Variants in KIF27 observed in about 807,000 individuals in gnomAD.
KIF27 encodes kinesin family member 27.
Under a neutral mutation model 141.8 loss-of-function variants are expected in KIF27, and 84 were observed. The ratio of observed to expected loss-of-function variants is 0.59; its 90% CI spans 0.50 to 0.71. The LOEUF (loss-of-function observed/expected upper bound fraction) is 0.71. Ranked by LOEUF, KIF27 falls within the 30% of genes least tolerant of loss-of-function variation. The probability of loss-of-function intolerance (pLI) is 0.00; values close to 1 mark genes in which losing one functional copy is unlikely to be tolerated. For missense variants in KIF27, 1,306 were observed against 1,628.4 expected, an observed-to-expected ratio of 0.80 and a Z score of 3.41; for synonymous variants, 471 against 569.5, an observed-to-expected ratio of 0.83 and a Z score of 2.46.
chr9:83,836,867 A>G lies in KIF27; in HGVS notation c.*134T>C. 7.2e-7 allele frequency: 1 copy of G among 1,394,800 alleles called. No individual in the cohort carries two copies. The highest frequency in any genetic ancestry group is 9.6e-7 in the Non-Finnish European group (1 of 1,043,178). 86.4% of individuals were successfully genotyped at this position (1,394,800 alleles called of 1,614,324 possible). The stretch of plus-strand genomic sequence containing the variant: ...AAGATGTACACATCTATAGCATATA[A>G]AAGAATTAGGGATTCCTTCCTCCCC... On this transcript the variant is annotated 3_prime_UTR_variant, in exon 18 of 18. Coordinates refer to ENST00000297814, the MANE Select transcript of KIF27 (RefSeq NM_017576.4).
intron 10 of KIF27, among the ~76,000 whole-genome samples, chr9:83,880,975 C>A (rs1449898902): frequency 6.6e-6 from 1 of 152,082 alleles, no homozygotes; most frequent in Non-Finnish European, 1.5e-5. Context: ...ACTACTGTCT[C>A]CCTTTTTTCC....
chr9:83,854,735 T>C (rs1045760449), intron 14 of KIF27, among the ~76,000 whole-genome samples: 1 of 152,138 alleles, frequency 6.6e-6, no homozygotes, highest in African/African-American at 2.4e-5. Context: ...ATACATGTTA[T>C]GTTGGTGATA....
rs1954159007 is a variant in KIF27, at chr9:83,903,553, G to A, written c.965C>T (p.Ser322Phe). ...ATTTAAGGACTCATCAAAATTCGAG[G>A]AGGAGGGGCTGACACATGTGATCAT... ...TVMITCVSPS[S>F]SNFDESLNSL... The change falls in exon 4 of 18, where the codon TCC becomes TTC. Residue 322 changes from serine (S) to phenylalanine (F), a missense_variant. Physicochemically the swap from Ser to Phe is radical, Grantham distance 155 (BLOSUM62 -2). Transcript: ENST00000297814. 1.2e-6 allele frequency: 2 copies of A among 1,614,174 alleles called. No homozygotes were observed. The highest frequency in any genetic ancestry group is 1.6e-4 in the Middle Eastern group (1 of 6,062).
intron 10 of KIF27, among the ~76,000 whole-genome samples, chr9:83,883,254 A>G (rs1951825766): frequency 6.6e-6 from 1 of 152,192 alleles, no homozygotes; most frequent in African/African-American, 2.4e-5. Context: ...GACTATCTCC[A>G]AAGCACCTGG....
At chr9:83,844,321 TATAG>T (rs1946952792) in intron 16 of KIF27, among the ~76,000 whole-genome samples, 1 of 151,094 alleles carries the variant, frequency 6.6e-6, no homozygotes, top group Admixed American at 6.6e-5. Context: ...GATATAGATA[TATAG>T]ATAGCTATAT....
At chr9:83,847,399 C>T (rs1252409717) in intron 16 of KIF27, among the ~76,000 whole-genome samples, 2 of 152,110 alleles carry the variant, frequency 1.3e-5, no homozygotes, top group Non-Finnish European at 2.9e-5. Flanking sequence ...GTACTGTTAA[C>T]TTTATGTAAT....
chr9:83,871,649 G>A (rs1212481052), intron 11 of KIF27, among the ~76,000 whole-genome samples: 1 of 151,630 alleles, frequency 6.6e-6, no homozygotes, highest in Admixed American at 6.6e-5. Context: ...GACAGATCAT[G>A]GTCTTATGAA....
intron 11 of KIF27, among the ~76,000 whole-genome samples, chr9:83,875,192 G>A (rs1186910060): frequency 6.6e-6 from 1 of 152,164 alleles, no homozygotes; most frequent in African/African-American, 2.4e-5. Context: ...AACAGACTAA[G>A]TTGTTGGCAG....
chr9:83,921,274 C>G (rs1448785890), intron 1 of KIF27, 97 bp downstream of exon 1: 1 of 152,256 alleles, frequency 6.6e-6, no homozygotes, highest in Non-Finnish European at 1.5e-5. Context: ...CGGCTGGGGG[C>G]GCGGGAGCGG....
intron 4 of KIF27, among the ~76,000 whole-genome samples, chr9:83,900,160 A>G (rs1953719256): frequency 1.3e-5 from 2 of 152,102 alleles, no homozygotes; most frequent in African/African-American, 4.8e-5. Context: ...CATTTTCCAA[A>G]TTGACATATA....
chr9:83,913,150 C>T (rs7869368), intron 2 of KIF27, among the ~76,000 whole-genome samples: 2 of 151,872 alleles, frequency 1.3e-5, no homozygotes, highest in Non-Finnish European at 1.5e-5. Flanking sequence ...GGGTGACAGA[C>T]CAAGGCCCTA....
chr9:83,842,228 A>G lies in KIF27; in HGVS notation c.3721+9T>C. The G allele has an allele frequency of 6.5e-7, 1 of 1,530,994 alleles. No homozygotes were observed. The allele number at this position is 1,530,994 out of a possible 1,614,324, so 94.8% of individuals were successfully genotyped here. On this transcript the variant is annotated intron_variant, in intron 17 of 17. Transcript: ENST00000297814. ...ACAGTGTTAAGAGTGACAACACTAA[A>G]AGTCTTACACTCTGATGGTGCTAGT...
chr9:83,916,012 A>G (rs1210330172), intron 1 of KIF27, among the ~76,000 whole-genome samples: 1 of 152,176 alleles, frequency 6.6e-6, no homozygotes, highest in Non-Finnish European at 1.5e-5. Context: ...GAGTTAGAAA[A>G]TTAAGGCAAG....
In KIF27 at chr9:83,837,230, T is replaced by C; in HGVS notation, c.3977A>G (p.Asp1326Gly). ...MLGNENKTETDDNQFTKSHSR... is the reference protein window; with the variant it reads ...MLGNENKTETGDNQFTKSHSR... ...GTGAGATTTTGTAAACTGATTATCATCTGTTTCTGTTTTATTCTCATTACC... is the reference window on the plus strand; with the variant it reads ...GTGAGATTTTGTAAACTGATTATCACCTGTTTCTGTTTTATTCTCATTACC... Residue 1326 changes from aspartate to glycine, a missense_variant, in exon 18 of 18, where the codon GAT becomes GGT. Coordinates refer to ENST00000297814, the MANE Select transcript of KIF27 (RefSeq NM_017576.4). 6.2e-7 allele frequency: 1 copy of C among 1,614,022 alleles called. No individual in the cohort carries two copies. The highest frequency in any genetic ancestry group is 8.5e-7 in the Non-Finnish European group (1 of 1,179,926).
At position 83,910,286 on chromosome 9, in the gene KIF27, C is replaced by T. The variant is rs116333450; in HGVS notation, c.299-1634G>A. Among the ~76,000 whole-genome samples the T allele has an allele frequency of 6.0e-3, 920 of 152,208 alleles. 10 individuals carry two copies. Among genetic ancestry groups the T allele is most frequent in the African/African-American group, 0.021 (873 of 41,510 alleles). ...GGTGCTTTTAGATGATATATAATTT[C>T]TAAAGCAGAAAAGAGCTGTAAAAAG... On this transcript the variant is annotated intron_variant, in intron 2 of 17. Transcript: ENST00000297814.
Position 83,836,292 on chromosome 9 carries a change from T to C in KIF27, c.*709A>G, listed in dbSNP as rs925075284. ...ATTTCCGTGTTCCATGGAACAGCAT[T>C]CATTTCTCCCAGTTTTAGTAACATA... is the stretch of plus-strand genomic sequence containing the variant. On this transcript the variant is annotated 3_prime_UTR_variant, in exon 18 of 18. Coordinates refer to ENST00000297814, the MANE Select transcript of KIF27 (RefSeq NM_017576.4). Among the ~76,000 whole-genome samples the C allele has an allele frequency of 6.6e-6, 1 of 152,106 alleles. No homozygotes were observed. Among genetic ancestry groups the C allele is most frequent in the Non-Finnish European group, 1.5e-5 (1 of 68,012 alleles).
In KIF27 at chr9:83,853,695, G is replaced by A; in HGVS notation, c.3291C>T (p.Val1097=). ...FHNLSRGEAN[V]LEKLACLSPV... ...GACTCAGGCAAGCTAGCTTTTCCAA[G>A]ACATTTGCTTCACCACGAGAGAGGT... The change falls in exon 15 of 18, where the codon GTC becomes GTT. Residue 1097 remains valine (V), a synonymous_variant. Coordinates refer to ENST00000297814, the MANE Select transcript of KIF27 (RefSeq NM_017576.4). 1.2e-5 allele frequency: 19 copies of A among 1,613,804 alleles called. No individual in the cohort carries two copies. Among genetic ancestry groups the A allele is most frequent in the Non-Finnish European group, 1.4e-5 (17 of 1,179,780 alleles).
At chr9:83,887,553 C>T (rs532518023) in intron 8 of KIF27, among the ~76,000 whole-genome samples, 2 of 152,212 alleles carry the variant, frequency 1.3e-5, no homozygotes, top group South Asian at 4.1e-4. Context: ...TCTACTTTTA[C>T]TGTAATTGGA....
rs1294304439 is a variant in KIF27, at chr9:83,884,014, A to G, written c.2244T>C (p.Asn748=). ...DLIKELIKTG[N]DAKSVSKQYS... ...ACTGCTTGCTTACAGACTTGGCATC[A>G]TTACCTTAACCGTAATAATAATTAT... Residue 748 remains asparagine, a synonymous_variant, in exon 10 of 18, where the codon AAT becomes AAC. Transcript: ENST00000297814. 5.0e-6 allele frequency: 8 copies of G among 1,593,112 alleles called. No individual in the cohort carries two copies. Among genetic ancestry groups the G allele is most frequent in the South Asian group, 1.1e-5 (1 of 88,466 alleles).
Sources: gnomAD v4.1 joint callset for allele counts (sites outside exome capture counted in the v4.1 genomes callset) on GRCh38, gnomAD v4.1.1 for gene constraint, MANE v1.5 for transcripts, NCBI Gene and HGNC (gene_info 2026-07-23, HGNC 2026-07-21) for gene names.